Variants in UBA1 observed in about 807,000 individuals in gnomAD.
UBA1 encodes ubiquitin like modifier activating enzyme 1.
Under a neutral mutation model 84.7 loss-of-function variants are expected in UBA1, and 4 were observed. The observed-to-expected ratio is 0.05, with a 90% CI of 0.02 to 0.11. The LOEUF (loss-of-function observed/expected upper bound fraction) is 0.11, where lower values mean the gene tolerates loss of function less well. Ranked by LOEUF, UBA1 falls within the 10% of genes least tolerant of loss-of-function variation. UBA1 has a pLI of 1.00. For missense variants in UBA1, 513 were observed against 902.8 expected (o/e 0.57, Z 5.53); for synonymous variants, 364 against 362.6 (o/e 1.00, Z -0.04).
Position 47,198,894 on chromosome X carries a change from C to G in UBA1, c.92C>G (p.Ser31Cys), listed in dbSNP as rs1556786446. ...TGCTCCCCTGCCCAGTCCGTGTTGT[C>G]CGAAGTGCCCTCGGTGCCAACCAAC... Reference protein sequence around the residue: ...SNCSPAQSVLSEVPSVPTNGM... With the variant: ...SNCSPAQSVLCEVPSVPTNGM... Residue 31 changes from serine (S) to cysteine (C), a missense_variant, in exon 2 of 26, where the codon TCC becomes TGC. Physicochemically the swap from Ser to Cys is moderately radical, Grantham distance 112. Transcript: ENST00000335972. 1 of 1,212,123 alleles carries G rather than the reference C, an allele frequency of 8.2e-7. No homozygotes were observed. The highest frequency in any genetic ancestry group is 1.1e-6 in the Non-Finnish European group (1 of 895,588).
At chrX:47,199,827 A>G (rs1324622040) in intron 5 of UBA1, among the ~76,000 whole-genome samples, 2 of 106,794 alleles carry the variant, frequency 1.9e-5, no homozygotes, top group Admixed American at 1.0e-4. Flanking sequence ...CTGTCGCCCA[A>G]GCTAGAGTGC....
chrX:47,196,082 C>T (rs1241753778), intron 1 of UBA1, among the ~76,000 whole-genome samples: 4 of 110,770 alleles, frequency 3.6e-5, no homozygotes, highest in Non-Finnish European at 7.6e-5. Context: ...CAACTGTCCT[C>T]CTACCTCCTT....
rs1936651977 is a variant in UBA1 at position 47,205,878 on chromosome X, G to T, written c.1576-70G>T. The T allele has an allele frequency of 2.7e-6, 3 of 1,115,969 alleles. No individual in the cohort carries two copies. In the Admixed American group the frequency reaches 7.6e-5, roughly 28 times the overall value. The allele number at this position is 1,115,969 out of a possible 1,213,427, so 92.0% of individuals were successfully genotyped here. ...CAAAAAAAATAAAGATGTTTGTTGGGTGAATGCACAAATAAGTGAGCTTTG... is the reference window on the plus strand; with the variant it reads ...CAAAAAAAATAAAGATGTTTGTTGGTTGAATGCACAAATAAGTGAGCTTTG... On this transcript the variant is annotated intron_variant, in intron 14 of 25. Coordinates refer to ENST00000335972, the MANE Select transcript of UBA1 (RefSeq NM_003334.4).
intron 14 of UBA1, chrX:47,205,726 C>T: frequency 4.4e-6 from 2 of 451,113 alleles, no homozygotes; most frequent in South Asian, 3.2e-5. Context: ...TGGTGGCACA[C>T]ACCTGTGGTC....
chrX:47,197,826 A>T, intron 1 of UBA1: 1 of 506,446 alleles, frequency 2.0e-6, no homozygotes, highest in Non-Finnish European at 2.4e-6. Flanking sequence ...TTGGTCACCG[A>T]ACGTCCCTGA....
At chrX:47,196,729 G>A (rs1936217914) in intron 1 of UBA1, among the ~76,000 whole-genome samples, 1 of 111,684 alleles carries the variant, frequency 9.0e-6, no homozygotes, top group Admixed American at 9.5e-5. Flanking sequence ...CCTGCACTGG[G>A]GATCCAGAGG....
rs1936455988 is a variant in UBA1 at position 47,202,519 on chromosome X, G to A, written c.1056+15G>A. 1 of 1,201,776 alleles carries A rather than the reference G, an allele frequency of 8.3e-7. No homozygotes were observed. The highest frequency in any genetic ancestry group is 1.7e-5 in the African/African-American group (1 of 57,714). ...CCCGCAATGAGGTGGGTGAGTGGGC[G>A]AGCCAGCCAGCGCAGACATGCCTGG... On this transcript the variant is annotated intron_variant, in intron 10 of 25. Coordinates refer to ENST00000335972, the MANE Select transcript of UBA1 (RefSeq NM_003334.4).
At chrX:47,195,406 C>T (rs56183817) in intron 1 of UBA1, among the ~76,000 whole-genome samples, 8,871 of 110,488 alleles carry the variant, frequency 0.08, 898 homozygotes, top group African/African-American at 0.28. Context: ...TGCACCACCA[C>T]GCCTGGCTAA....
rs149947901 is a variant in UBA1 at position 47,199,477 on chromosome X, C to A, written c.346-3C>A. 619 of 1,210,196 alleles carry A rather than the reference C, an allele frequency of 5.1e-4. 2 individuals carry two copies. The African/African-American group carries it at 9.8e-3, about 19-fold the overall frequency. ...TCTTTTTCCCTACTGCACACCCTTA[C>A]AGTTCTACCTGCGGGAGGAGGACAT... On this transcript the variant is annotated splice_polypyrimidine_tract_variant and splice_region_variant and intron_variant, in intron 4 of 25. Transcript: ENST00000335972.
At chrX:47,196,813 C>T (rs1556785634) in intron 1 of UBA1, among the ~76,000 whole-genome samples, 1 of 111,646 alleles carries the variant, frequency 9.0e-6, no homozygotes, top group African/African-American at 3.3e-5. Flanking sequence ...AATGGCATGT[C>T]CCAAACAAAC....
chrX:47,211,428 C>G (rs1936910784), intron 20 of UBA1, among the ~76,000 whole-genome samples: 1 of 111,860 alleles, frequency 8.9e-6, no homozygotes, highest in African/African-American at 3.3e-5. Context: ...CTCCTTCCCA[C>G]TATCTGGCCC....
chrX:47,195,004 A>G (rs1253391449), intron 1 of UBA1, among the ~76,000 whole-genome samples: 4 of 110,581 alleles, frequency 3.6e-5, no homozygotes, highest in African/African-American at 1.3e-4. Context: ...AGCCCCTTCC[A>G]TCAGAGACTC....
In UBA1 at chrX:47,211,116, T is replaced by G; in HGVS notation, c.2355T>G (p.Ala785=). The G allele has an allele frequency of 5.8e-6, 7 of 1,211,965 alleles. No homozygotes were observed. Among genetic ancestry groups the G allele is most frequent in the Non-Finnish European group, 7.8e-6 (7 of 895,594 alleles). Residue 785 remains alanine, a synonymous_variant, in exon 20 of 26, where the codon GCT becomes GCG. Transcript: ENST00000335972. ...GGCTGACAGGCTCTCAGGACCGAGC[T>G]GCTGTGGCCACATTCCTGCAGTCTG... is the stretch of plus-strand genomic sequence containing the variant. ...TYGLTGSQDR[A]AVATFLQSVQ... is the part of the protein sequence containing the mutation.
At chrX:47,205,652 A>G in intron 14 of UBA1, 1 of 375,454 alleles carries the variant, frequency 2.7e-6, no homozygotes, top group Non-Finnish European at 4.9e-6. Context: ...TCAGGAGTTC[A>G]AGACCAGCCT....
At chrX:47,198,457 G>A in intron 1 of UBA1, 1 of 405,873 alleles carries the variant, frequency 2.5e-6, no homozygotes, top group Admixed American at 3.8e-5. Flanking sequence ...TTGAAACCAG[G>A]TCTGTCCTGA....
rs199797125 is a variant in UBA1, at chrX:47,214,320, C to T, written c.2839-7C>T. On this transcript the variant is annotated splice_region_variant and splice_polypyrimidine_tract_variant and intron_variant, in intron 23 of 25. Coordinates refer to ENST00000335972, the MANE Select transcript of UBA1 (RefSeq NM_003334.4). ...CTCCATCTTACACTCCCCTCTTTGT[C>T]TTGCAGTACTATAACCAAGAGTGGA... The T allele has an allele frequency of 6.4e-5, 77 of 1,205,658 alleles. No individual in the cohort carries two copies. The highest frequency in any genetic ancestry group is 8.2e-5 in the Non-Finnish European group (73 of 891,664).
At chrX:47,214,455 C>T in intron 24 of UBA1, 27 bp downstream of exon 24, 1 of 1,203,903 alleles carries the variant, frequency 8.3e-7, no homozygotes, top group Non-Finnish European at 1.1e-6. Flanking sequence ...ACTCTGTCAC[C>T]CCACCTCAGG....
intron 12 of UBA1, 41 bp downstream of exon 12, chrX:47,203,088 A>T (rs1556789075): frequency 8.3e-7 from 1 of 1,206,579 alleles, no homozygotes; most frequent in Admixed American, 2.2e-5. Context: ...CATTGGGGAC[A>T]TTTCTGGGGA....
chrX:47,195,529 G>A (rs1246567848), intron 1 of UBA1, among the ~76,000 whole-genome samples: 1 of 111,557 alleles, frequency 9.0e-6, no homozygotes, highest in Non-Finnish European at 1.9e-5. Flanking sequence ...GGGATTGCAG[G>A]CGTGAGCCAC....
Sources: allele counts gnomAD v4.1 joint callset (sites outside exome capture counted in the v4.1 genomes callset), GRCh38; gene constraint gnomAD v4.1.1; transcripts MANE v1.5; gene names NCBI Gene and HGNC (gene_info 2026-07-23, HGNC 2026-07-21).